The following CC2D2B variants were observed in gnomAD, a reference collection of about 807,000 sequenced individuals.
The protein encoded by CC2D2B is coiled-coil and C2 domain containing 2B, also known as protein CC2D2B.
A neutral mutation model predicts 161.2 loss-of-function variants in CC2D2B; 128 were observed. The ratio of observed to expected loss-of-function variants is 0.79; its 90% CI spans 0.69 to 0.92. The LOEUF (loss-of-function observed/expected upper bound fraction) is 0.92, where lower values mean the gene tolerates loss of function less well. Among genes scored for constraint, CC2D2B ranks in the 40% least tolerant of loss-of-function variants. The pLI, the probability that CC2D2B is intolerant of heterozygous loss-of-function variation, is 0.00. For missense variants in CC2D2B, 1,173 were observed against 1,375.1 expected (o/e 0.85, Z 2.32); for synonymous variants, 391 against 449.8 (o/e 0.87, Z 1.65).
chr10:95,964,476 A>G (rs1259928028), intron 12 of CC2D2B, among the ~76,000 whole-genome samples: 1 of 152,166 alleles, frequency 6.6e-6, no homozygotes, highest in Non-Finnish European at 1.5e-5. Flanking sequence ...AAGAACAGCA[A>G]GTTTACTGAT....
chr10:96,019,693 T>C lies in CC2D2B; in HGVS notation c.3766-9T>C. ...GACCTACACTAATGTTATATTAATGTTTTCATAGGTCTGGTTTAATATTCA... is the reference window on the plus strand; with the variant it reads ...GACCTACACTAATGTTATATTAATGCTTTCATAGGTCTGGTTTAATATTCA... On this transcript the variant is annotated splice_polypyrimidine_tract_variant and intron_variant, in intron 31 of 34. Coordinates refer to ENST00000646931, the MANE Select transcript of CC2D2B (RefSeq NM_001349008.3). The C allele has an allele frequency of 6.4e-7, 1 of 1,564,288 alleles. No individual in the cohort carries two copies. The highest frequency in any genetic ancestry group is 8.6e-7 in the Non-Finnish European group (1 of 1,162,544).
At chr10:95,999,921 T>G (rs775004710) in intron 24 of CC2D2B, 10 of 523,450 alleles carry the variant, frequency 1.9e-5, no homozygotes, top group Non-Finnish European at 3.6e-5. Context: ...CTGATCATTT[T>G]CCTTCACGTG....
At chr10:95,993,851 T>TAGAGAG (rs60372025) in intron 22 of CC2D2B, among the ~76,000 whole-genome samples, 2 of 98,074 alleles carry the variant, frequency 2.0e-5, no homozygotes, top group South Asian at 3.7e-4. Flanking sequence ...TATATATATA[T>TAGAGAG]AGAGAGAGAG....
At chr10:96,014,702 G>A (rs1192056600) in intron 29 of CC2D2B, among the ~76,000 whole-genome samples, 1 of 152,108 alleles carries the variant, frequency 6.6e-6, no homozygotes, top group African/African-American at 2.4e-5. Flanking sequence ...GTAGTAACAT[G>A]CAAAGCATCT....
intron 24 of CC2D2B, among the ~76,000 whole-genome samples, chr10:96,001,432 TA>T (rs970182377): frequency 6.6e-6 from 1 of 152,200 alleles, no homozygotes; most frequent in African/African-American, 2.4e-5. Flanking sequence ...TATATGATTT[TA>T]TAGGATTTCT....
chr10:96,016,231 G>A lies in CC2D2B; in HGVS notation c.3547G>A (p.Glu1183Lys). ...CATCAGTTTAGCTATCGGAAATAAGGAGGAGCATGCCATCCTTCTCTGTAA... is the reference window on the plus strand; with the variant it reads ...CATCAGTTTAGCTATCGGAAATAAGAAGGAGCATGCCATCCTTCTCTGTAA... ...HCISLAIGNK[E>K]EHAILLCNFF... is the part of the protein sequence containing the mutation. The change falls in exon 30 of 35, where the codon GAG becomes AAG. Residue 1183 changes from glutamate (E) to lysine (K), a missense_variant. Physicochemically the swap from Glu to Lys is moderately conservative, Grantham distance 56. This residue lies in a region of CC2D2B where 598 missense variants were observed against 693.2 expected (regional missense o/e 0.86). Transcript: ENST00000646931. 6.2e-7 allele frequency: 1 copy of A among 1,612,412 alleles called. No homozygotes were observed. Among genetic ancestry groups the A allele is most frequent in the South Asian group, 1.1e-5 (1 of 90,584 alleles).
At chr10:95,944,463 T>A (rs2076128250) in intron 9 of CC2D2B, among the ~76,000 whole-genome samples, 1 of 152,198 alleles carries the variant, frequency 6.6e-6, no homozygotes, top group Non-Finnish European at 1.5e-5. Flanking sequence ...TTCTTTGATA[T>A]TATGTGGCAT....
rs2098521312 is a variant in CC2D2B, at chr10:95,918,788, CT to C, written c.37-3226del. 2.6e-5 allele frequency: 4 copies of C among 151,972 alleles called. No homozygotes were observed. In the South Asian group the frequency reaches 8.3e-4, roughly 32 times the overall value. 9.4% of individuals were successfully genotyped at this position (151,972 alleles called of 1,614,324 possible). A position where few individuals can be genotyped will look rare whatever the true frequency, so the allele number is the denominator to read the frequency against. ...TTTTTTTCTAGCTACCATAGGCATG[CT>C]TCATTATTTTCTATTCTTTTTCTTT... On this transcript the variant is annotated intron_variant, in intron 2 of 34. Transcript: ENST00000646931.
At chr10:95,963,793 G>C (rs1279470081) in intron 12 of CC2D2B, among the ~76,000 whole-genome samples, 2 of 152,156 alleles carry the variant, frequency 1.3e-5, no homozygotes, top group East Asian at 3.9e-4. Context: ...TGACATGGAG[G>C]TTATTGATAA....
At chr10:95,950,674 T>C (rs2076369046) in intron 10 of CC2D2B, 1 of 152,216 alleles carries the variant, frequency 6.6e-6, no homozygotes, top group African/African-American at 2.4e-5. Flanking sequence ...CTCATTCAAC[T>C]AATGAATACA....
chr10:96,032,107 A>G lies in CC2D2B; in HGVS notation c.*99A>G. The stretch of plus-strand genomic sequence containing the variant: ...GATTTTGCTGTTTATTCTCAAGTCC[A>G]GCTAAGTGCTGGGCCCAATTTTTGA... On this transcript the variant is annotated 3_prime_UTR_variant, in exon 35 of 35. Coordinates refer to ENST00000646931, the MANE Select transcript of CC2D2B (RefSeq NM_001349008.3). 1 of 944,224 alleles carries G rather than the reference A, an allele frequency of 1.1e-6. No homozygotes were observed. The highest frequency in any genetic ancestry group is 1.7e-5 in the African/African-American group (1 of 60,526). The allele number at this position is 944,224 out of a possible 1,614,324, so 58.5% of individuals were successfully genotyped here.
At chr10:95,973,311 T>C (rs2077201558) in intron 16 of CC2D2B, among the ~76,000 whole-genome samples, 1 of 152,078 alleles carries the variant, frequency 6.6e-6, no homozygotes, top group South Asian at 2.1e-4. Flanking sequence ...ATTGTTAAAC[T>C]CTTTGGAGAT....
chr10:95,975,266 G>A (rs1564632302), intron 17 of CC2D2B, among the ~76,000 whole-genome samples: 1 of 152,108 alleles, frequency 6.6e-6, no homozygotes, highest in Non-Finnish European at 1.5e-5. Flanking sequence ...AAAGAACAGG[G>A]AGAACATTAT....
chr10:95,964,365 T>G lies in CC2D2B; in HGVS notation c.1251-1531T>G, dbSNP rs564553059. Among the ~76,000 whole-genome samples, 4 of 152,318 alleles carry G rather than the reference T, an allele frequency of 2.6e-5. No homozygotes were observed. The East Asian group carries it at 7.7e-4, about 29-fold the overall frequency. Reference sequence around the variant, plus strand: ...AGTTAGGAATTTCTAAAAATGACTGTTCTAATTTAATTAGTATGGGGTATG... The same window carrying G: ...AGTTAGGAATTTCTAAAAATGACTGGTCTAATTTAATTAGTATGGGGTATG... On this transcript the variant is annotated intron_variant, in intron 12 of 34. Transcript: ENST00000646931.
At chr10:95,928,287 C>T (rs150388600) in intron 6 of CC2D2B, among the ~76,000 whole-genome samples, 11 of 151,804 alleles carry the variant, frequency 7.2e-5, no homozygotes, top group African/African-American at 2.4e-4. Context: ...AGTATAAAAA[C>T]GTAATGCAGA....
intron 24 of CC2D2B, among the ~76,000 whole-genome samples, chr10:95,997,560 T>G (rs974539388): frequency 6.6e-6 from 1 of 152,078 alleles, no homozygotes; most frequent in Non-Finnish European, 1.5e-5. Context: ...GCTAATTTAT[T>G]TTTATTTTTG....
chr10:95,974,730 A>T (rs1343084793), intron 17 of CC2D2B, among the ~76,000 whole-genome samples: 2 of 152,220 alleles, frequency 1.3e-5, no homozygotes, highest in African/African-American at 2.4e-5. Flanking sequence ...ATCTTAACAC[A>T]TATTTTTAAA....
rs2080116459 is a variant in CC2D2B, at chr10:96,033,249, C to T, written c.*1241C>T. Among the ~76,000 whole-genome samples the T allele has an allele frequency of 1.3e-5, 2 of 152,128 alleles. No individual in the cohort carries two copies. Among genetic ancestry groups the T allele is most frequent in the African/African-American group, 4.8e-5 (2 of 41,430 alleles). On this transcript the variant is annotated 3_prime_UTR_variant, in exon 35 of 35. Coordinates refer to ENST00000646931, the MANE Select transcript of CC2D2B (RefSeq NM_001349008.3). ...AATCTGTATCTGTTTCCTAAATGTGCATGGGCTGGTGCCAGAAAAGGCCTC... is the reference window on the plus strand; with the variant it reads ...AATCTGTATCTGTTTCCTAAATGTGTATGGGCTGGTGCCAGAAAAGGCCTC...
intron 9 of CC2D2B, among the ~76,000 whole-genome samples, chr10:95,943,698 T>G (rs1044909075): frequency 6.6e-6 from 1 of 152,210 alleles, no homozygotes; most frequent in African/African-American, 2.4e-5. Flanking sequence ...TCATATCTGG[T>G]AACTACAATA....
Sources: allele counts gnomAD v4.1 joint callset (sites outside exome capture counted in the v4.1 genomes callset), GRCh38; gene constraint gnomAD v4.1.1; regional missense constraint gnomAD v4.1.1; transcripts MANE v1.5; gene names NCBI Gene and HGNC (gene_info 2026-07-23, HGNC 2026-07-21).